The following ARHGEF33 variants were observed in gnomAD, a reference collection of about 807,000 sequenced individuals.
ARHGEF33 encodes the protein Rho guanine nucleotide exchange factor 33, also known as DH and coiled-coil domain-containing protein ENSP00000381780.
In ARHGEF33, 72 loss-of-function variants were observed where a neutral mutation model predicts 101.9. The ratio of observed to expected loss-of-function variants is 0.71; its 90% CI spans 0.58 to 0.86. The LOEUF (loss-of-function observed/expected upper bound fraction) is 0.86. Among genes scored for constraint, ARHGEF33 ranks in the 40% least tolerant of loss-of-function variants. The probability of loss-of-function intolerance (pLI) is 0.00; values close to 1 mark genes in which losing one functional copy is unlikely to be tolerated. For missense variants in ARHGEF33, 1,169 were observed against 1,111.3 expected, an observed-to-expected ratio of 1.05 and a Z score of -0.74; for synonymous variants, 499 against 442.5, an observed-to-expected ratio of 1.13 and a Z score of -1.60.
chr2:38,893,245 C>T (rs904181321), intron 1 of ARHGEF33, among the ~76,000 whole-genome samples: 1 of 151,696 alleles, frequency 6.6e-6, no homozygotes, highest in Non-Finnish European at 1.5e-5. Context: ...TCACTGCAAC[C>T]TCTGCCTCCT....
chr2:38,970,702 C>CCTAA (rs1382414478), intron 17 of ARHGEF33, among the ~76,000 whole-genome samples: 3 of 152,176 alleles, frequency 2.0e-5, no homozygotes, highest in African/African-American at 7.2e-5. Context: ...TTAAGGATAA[C>CCTAA]CTAACTATTG....
At chr2:38,920,704 G>A (rs1666737664) in intron 3 of ARHGEF33, among the ~76,000 whole-genome samples, 1 of 152,058 alleles carries the variant, frequency 6.6e-6, no homozygotes, top group African/African-American at 2.4e-5. Context: ...CACCACACCT[G>A]GCCTGTGAAT....
At chr2:38,928,874 G>A in intron 4 of ARHGEF33, 33 bp from the exon 5 acceptor site, 1 of 1,524,310 alleles carries the variant, frequency 6.6e-7, no homozygotes, top group Non-Finnish European at 8.8e-7. Flanking sequence ...GTAATTTCCA[G>A]CAAATTGAAT....
In ARHGEF33 at chr2:38,956,862, G is replaced by C. The variant is rs776838073; in HGVS notation, c.1222-37G>C. ...AAGAGAAAAAACAAATTTTCATGCT[G>C]ATTATGCAATGCTACTTCCTTTTCC... On this transcript the variant is annotated intron_variant, in intron 13 of 17. Transcript: ENST00000409978. The C allele has an allele frequency of 3.2e-6, 5 of 1,547,670 alleles. No homozygotes were observed. In the South Asian group the frequency reaches 6.0e-5, roughly 18 times the overall value.
At chr2:38,963,245 A>C (rs918547289) in intron 16 of ARHGEF33, among the ~76,000 whole-genome samples, 2 of 152,194 alleles carry the variant, frequency 1.3e-5, no homozygotes, top group African/African-American at 2.4e-5. Context: ...CTATCCTTAA[A>C]GGTATCAACT....
At chr2:38,919,307 T>C in intron 2 of ARHGEF33, 56 bp from the exon 3 acceptor site, 2 of 807,200 alleles carry the variant, frequency 2.5e-6, no homozygotes, top group South Asian at 1.6e-5. Flanking sequence ...AAGAAGTAAA[T>C]ACAGTTTCTT....
intron 4 of ARHGEF33, among the ~76,000 whole-genome samples, chr2:38,927,057 G>T (rs1038072005): frequency 6.6e-6 from 1 of 152,128 alleles, no homozygotes; most frequent in African/African-American, 2.4e-5. Context: ...CCATTGCAAA[G>T]ATTAATTATA....
intron 16 of ARHGEF33, among the ~76,000 whole-genome samples, chr2:38,960,903 C>T (rs974454029): frequency 2.0e-5 from 3 of 152,170 alleles, no homozygotes; most frequent in African/African-American, 7.2e-5. Flanking sequence ...GAGCTTGCCT[C>T]ATATGGTACA....
Position 38,960,479 on chromosome 2 carries a change from T to A in ARHGEF33, c.2174T>A (p.Leu725His). The A allele has an allele frequency of 7.0e-7, 1 of 1,427,460 alleles. No individual in the cohort carries two copies. Among genetic ancestry groups the A allele is most frequent in the African/African-American group, 1.5e-5 (1 of 66,464 alleles). The allele number at this position is 1,427,460 out of a possible 1,614,324, so 88.4% of individuals were successfully genotyped here. A position where few individuals can be genotyped will look rare whatever the true frequency, so the allele number is the denominator to read the frequency against. Residue 725 changes from leucine (L) to histidine (H), a missense_variant, in exon 16 of 18, where the codon CTC becomes CAC. Transcript: ENST00000409978. ...CCAGCCGACGGCGTGGCCCCACGCC[T>A]CTACAGCACGCGCAGCAGCAGCGGC... ...APPADGVAPR[L>H]YSTRSSSGGR...
At chr2:38,944,304 T>C (rs1667385370) in intron 10 of ARHGEF33, among the ~76,000 whole-genome samples, 1 of 152,224 alleles carries the variant, frequency 6.6e-6, no homozygotes, top group South Asian at 2.1e-4. Flanking sequence ...ATTGAATCTC[T>C]GGTTCCAAGA....
At position 38,974,596 on chromosome 2, in the gene ARHGEF33, T is replaced by C. The variant is rs970682382; in HGVS notation, c.*753T>C. On this transcript the variant is annotated 3_prime_UTR_variant, in exon 18 of 18. Coordinates refer to ENST00000409978, the MANE Select transcript of ARHGEF33 (RefSeq NM_001145451.5). Reference sequence around the variant, plus strand: ...CTGAGGATGGAAACAGTCCAGTCTGTGTTTTATTGAGTACTCAGTATTCAA... The same window carrying C: ...CTGAGGATGGAAACAGTCCAGTCTGCGTTTTATTGAGTACTCAGTATTCAA... 4 of 152,242 alleles carry C rather than the reference T, an allele frequency of 2.6e-5. No homozygotes were observed. The highest frequency in any genetic ancestry group is 9.6e-5 in the African/African-American group (4 of 41,464). The allele number at this position is 152,242 out of a possible 1,614,324, so 9.4% of individuals were successfully genotyped here.
At chr2:38,919,686 A>G (rs985637187) in intron 3 of ARHGEF33, among the ~76,000 whole-genome samples, 7 of 152,346 alleles carry the variant, frequency 4.6e-5, no homozygotes, top group Middle Eastern at 3.4e-3. Flanking sequence ...TTTCTTAGCA[A>G]TAGCTTTAGG....
chr2:38,954,556 A>G, intron 13 of ARHGEF33, 100 bp downstream of exon 13: 2 of 724,628 alleles, frequency 2.8e-6, no homozygotes, highest in Non-Finnish European at 4.8e-6. Context: ...AAGAATCATT[A>G]ATATTTCTAA....
At chr2:38,899,277 A>G (rs1666189996) in intron 2 of ARHGEF33, among the ~76,000 whole-genome samples, 1 of 152,218 alleles carries the variant, frequency 6.6e-6, no homozygotes, top group Non-Finnish European at 1.5e-5. Context: ...ATTAAAAAAT[A>G]TTTGATAATT....
chr2:38,905,854 A>G (rs1475955179), intron 2 of ARHGEF33, among the ~76,000 whole-genome samples: 3 of 152,162 alleles, frequency 2.0e-5, no homozygotes, highest in African/African-American at 7.2e-5. Flanking sequence ...AATGAGCATA[A>G]TCTGCACAGG....
In ARHGEF33 at chr2:38,909,747, C is replaced by T. The variant is rs1434868864; in HGVS notation, c.-85-9616C>T. On this transcript the variant is annotated intron_variant, in intron 2 of 17. Transcript: ENST00000409978. ...TTTTGGTTGTGGGCATAGAAAGCTG[C>T]ATTTTCATTGAGGTATCCTAGTTTT... 2.8e-5 allele frequency among the ~76,000 whole-genome samples: 4 copies of T among 141,944 alleles called. No individual in the cohort carries two copies. In the South Asian group the frequency reaches 6.5e-4, roughly 23 times the overall value. 93.1% of individuals were successfully genotyped at this position (141,944 alleles called of 152,430 possible). A position where few individuals can be genotyped will look rare whatever the true frequency, so the allele number is the denominator to read the frequency against.
chr2:38,934,423 C>G, intron 7 of ARHGEF33, among the ~76,000 whole-genome samples: 1 of 146,428 alleles, frequency 6.8e-6, no homozygotes, highest in South Asian at 2.2e-4. Flanking sequence ...TGACATTTTC[C>G]CTCCCTCCAT....
intron 10 of ARHGEF33, among the ~76,000 whole-genome samples, chr2:38,945,303 C>T (rs1483947341): frequency 2.0e-5 from 3 of 152,230 alleles, no homozygotes; most frequent in Non-Finnish European, 4.4e-5. Flanking sequence ...ACTCAAAACA[C>T]ACGCTGCCCT....
At chr2:38,935,020 G>A (rs1299522877) in intron 7 of ARHGEF33, among the ~76,000 whole-genome samples, 11 of 148,180 alleles carry the variant, frequency 7.4e-5, no homozygotes, top group Non-Finnish European at 3.0e-5. Flanking sequence ...AAAGCAGAGT[G>A]AATCAGGGAG....
Sources: gnomAD v4.1 joint callset for allele counts (sites outside exome capture counted in the v4.1 genomes callset) on GRCh38, gnomAD v4.1.1 for gene constraint, MANE v1.5 for transcripts, NCBI Gene and HGNC (gene_info 2026-07-23, HGNC 2026-07-21) for gene names.